FAM83A: variants seen among roughly 807,000 people sequenced by gnomAD.
FAM83A encodes scaffolding CK1 anchoring protein A, also known as protein FAM83A.
A neutral mutation model predicts 24.4 loss-of-function variants in FAM83A; 21 were observed. The ratio of observed to expected loss-of-function variants is 0.86; its 90% CI spans 0.61 to 1.24. The LOEUF (loss-of-function observed/expected upper bound fraction) is 1.24. Among genes scored for constraint, FAM83A ranks in the 50% most tolerant of loss-of-function variants. The probability of loss-of-function intolerance (pLI) is 0.00; values close to 1 mark genes in which losing one functional copy is unlikely to be tolerated. For synonymous variants in FAM83A, 270 were observed against 252.4 expected, an observed-to-expected ratio of 1.07 and a Z score of -0.66; for missense variants, 617 against 579.8, an observed-to-expected ratio of 1.06 and a Z score of -0.66.
Position 123,209,181 on chromosome 8 carries a change from C to T in FAM83A, c.*1493C>T, listed in dbSNP as rs1026398174. 20 of 1,134,246 alleles carry T rather than the reference C, an allele frequency of 1.8e-5. No homozygotes were observed. Among genetic ancestry groups the T allele is most frequent in the African/African-American group, 4.9e-5 (3 of 61,462 alleles). 70.3% of individuals were successfully genotyped at this position (1,134,246 alleles called of 1,614,324 possible). On this transcript the variant is annotated 3_prime_UTR_variant, in exon 4 of 4. Coordinates refer to ENST00000690554, the Ensembl canonical transcript of FAM83A. The surrounding 1 kb of genome is among the most constrained non-coding windows in gnomAD (Gnocchi z 4.7). ...GTTTCTAGGCCCTCTCCTCCCTTGT[C>T]GGTTTTTGGCGGGGAAGCTCAGCCT...
chr8:123,187,580 T>C (rs1426420537), intron 1 of FAM83A, among the ~76,000 whole-genome samples: 1 of 152,228 alleles, frequency 6.6e-6, no homozygotes, highest in Non-Finnish European at 1.5e-5. Context: ...ATTACTGATA[T>C]TTTAAAATAA....
intron 3 of FAM83A, among the ~76,000 whole-genome samples, chr8:123,199,503 G>A (rs573495282): frequency 2.0e-5 from 3 of 152,300 alleles, no homozygotes; most frequent in Non-Finnish European, 4.4e-5. Flanking sequence ...GGGAGGCCAA[G>A]GTGGGCAGAT....
chr8:123,193,655 T>C lies in FAM83A; in HGVS notation c.649-369T>C, dbSNP rs550691849. ...CAGAAGTCCATAGACTGGTGGTTCA[T>C]AACAACAGAAATTTATTCCTCATGG... is the stretch of plus-strand genomic sequence containing the variant. On this transcript the variant is annotated intron_variant, in intron 2 of 3. Transcript: ENST00000690554. Among the ~76,000 whole-genome samples, 10 of 152,340 alleles carry C rather than the reference T, an allele frequency of 6.6e-5. No individual in the cohort carries two copies. The South Asian group carries it at 2.1e-3, about 32-fold the overall frequency.
exon 1 of FAM83A, chr8:123,182,713 A>G: frequency 8.5e-7 from 1 of 1,183,018 alleles, no homozygotes; most frequent in Non-Finnish European, 1.2e-6. Flanking sequence ...CACTTCTTGG[A>G]GGTGCCCTGC....
chr8:123,195,077 TGA>T (rs926757228), intron 3 of FAM83A, among the ~76,000 whole-genome samples: 15 of 152,020 alleles, frequency 9.9e-5, no homozygotes, highest in African/African-American at 3.4e-4. Context: ...AGGGATGAAA[TGA>T]GAGAGCAATT....
chr8:123,207,351 G>C, exon 4 of FAM83A: 1 of 1,611,582 alleles, frequency 6.2e-7, no homozygotes, highest in Non-Finnish European at 8.5e-7. Context: ...AGCAGCAGCA[G>C]TGGCTCCGCC....
chr8:123,182,129 T>C, upstream of FAM83A: 1 of 456,194 alleles, frequency 2.2e-6, no homozygotes, highest in Non-Finnish European at 4.4e-6. Context: ...AGCGTTGGCC[T>C]GAGAACTGGA....
chr8:123,188,624 C>T (rs924407317), intron 1 of FAM83A, among the ~76,000 whole-genome samples: 4 of 152,094 alleles, frequency 2.6e-5, no homozygotes, highest in Non-Finnish European at 4.4e-5. Context: ...GCCGGGATTA[C>T]AGGCGTGCGC....
chr8:123,190,984 A>T (rs1321348110), intron 1 of FAM83A, among the ~76,000 whole-genome samples: 1 of 152,150 alleles, frequency 6.6e-6, no homozygotes, highest in Non-Finnish European at 1.5e-5. Flanking sequence ...TCATGTGACC[A>T]CCTCTGGACC....
chr8:123,186,265 A>C (rs942867570), intron 1 of FAM83A, among the ~76,000 whole-genome samples: 2 of 151,054 alleles, frequency 1.3e-5, no homozygotes, highest in African/African-American at 2.4e-5. Flanking sequence ...GCACCTACAC[A>C]CCCCCCCACG....
chr8:123,185,051 CT>C, intron 1 of FAM83A, among the ~76,000 whole-genome samples: 1 of 152,298 alleles, frequency 6.6e-6, no homozygotes, highest in South Asian at 2.1e-4. Flanking sequence ...GGGGCATTGG[CT>C]TTTAGTGTGG....
At chr8:123,193,333 G>A (rs1563783863) in intron 2 of FAM83A, among the ~76,000 whole-genome samples, 1 of 152,216 alleles carries the variant, frequency 6.6e-6, no homozygotes, top group Non-Finnish European at 1.5e-5. Context: ...GGCTGGGCTT[G>A]CCTCCAAGTA....
chr8:123,209,404 C>A lies in FAM83A; in HGVS notation c.*1716C>A. 2.5e-6 allele frequency: 4 copies of A among 1,610,086 alleles called. No individual in the cohort carries two copies. The highest frequency in any genetic ancestry group is 3.4e-6 in the Non-Finnish European group (4 of 1,176,996). On this transcript the variant is annotated 3_prime_UTR_variant, in exon 4 of 4. Coordinates refer to ENST00000690554, the Ensembl canonical transcript of FAM83A. This position sits in a 1 kb window ranked among gnomAD's most constrained non-coding sequence, Gnocchi z 4.7. Reference sequence around the variant, plus strand: ...TTATTATTAATTATTGTATTCCTGTCCTTCACTTTTTTCCTCCTTAGTTCC... The same window carrying A: ...TTATTATTAATTATTGTATTCCTGTACTTCACTTTTTTCCTCCTTAGTTCC...
exon 1 of FAM83A, chr8:123,182,703 C>A: frequency 9.0e-7 from 1 of 1,112,758 alleles, no homozygotes; most frequent in Non-Finnish European, 1.3e-6. Flanking sequence ...AGCGGTAAAT[C>A]ACTTCTTGGA....
At chr8:123,195,028 C>T (rs1453523036) in intron 3 of FAM83A, among the ~76,000 whole-genome samples, 2 of 151,868 alleles carry the variant, frequency 1.3e-5, no homozygotes, top group African/African-American at 4.8e-5. Flanking sequence ...TTCTCAGTGG[C>T]GGCGCTAGGG....
chr8:123,181,445 G>A (rs1823597775), upstream of FAM83A, among the ~76,000 whole-genome samples: 2 of 152,066 alleles, frequency 1.3e-5, no homozygotes, highest in East Asian at 1.9e-4. Context: ...AGCAGATAGC[G>A]TCAGGGCCTT....
exon 4 of FAM83A, chr8:123,207,429 T>C (rs1824595588): frequency 5.0e-6 from 8 of 1,608,894 alleles, no homozygotes; most frequent in Non-Finnish European, 6.8e-6. Context: ...ACCCGAAGTG[T>C]GTCCGCGTCT....
At chr8:123,205,192 C>T (rs948522201) in intron 3 of FAM83A, among the ~76,000 whole-genome samples, 2 of 151,824 alleles carry the variant, frequency 1.3e-5, no homozygotes, top group Non-Finnish European at 2.9e-5. Context: ...GGCTCTGGGG[C>T]GGGGCACAGT....
intron 3 of FAM83A, among the ~76,000 whole-genome samples, chr8:123,204,179 A>G (rs1157825055): frequency 6.6e-6 from 1 of 151,712 alleles, no homozygotes; most frequent in Non-Finnish European, 1.5e-5. Context: ...TCGGGAGGCC[A>G]AGCAGGGAGG....
Sources: allele counts gnomAD v4.1 joint callset (sites outside exome capture counted in the v4.1 genomes callset), GRCh38; gene constraint gnomAD v4.1.1; non-coding constraint Gnocchi (gnomAD v3.1); transcripts MANE v1.5; gene names NCBI Gene and HGNC (gene_info 2026-07-23, HGNC 2026-07-21).